ALAS2: variants seen among roughly 807,000 people sequenced by gnomAD.
ALAS2 encodes 5'-aminolevulinate synthase 2.
Under a neutral mutation model 33.7 loss-of-function variants are expected in ALAS2, and 3 were observed. The ratio of observed to expected loss-of-function variants is 0.09; its 90% CI spans 0.04 to 0.23. The LOEUF (loss-of-function observed/expected upper bound fraction) is 0.23. ALAS2 is among the 10% of genes least tolerant of loss of function. ALAS2 has a pLI of 1.00. For synonymous variants in ALAS2, 191 were observed against 177.3 expected (o/e 1.08, Z -0.61); for missense variants, 304 against 475.1 (o/e 0.64, Z 3.35).
chrX:55,020,333 G>A lies in ALAS2; in HGVS notation c.810C>T (p.Ala270=), dbSNP rs772567693. Residue 270 remains alanine (A), a synonymous_variant, in exon 6 of 11, where the codon GCC becomes GCT. Coordinates refer to ENST00000650242, the MANE Select transcript of ALAS2 (RefSeq NM_000032.5). ...VANDSTLFTL[A]KILPGCEIYS... is the part of the protein sequence containing the mutation. ...CCTCAGGCTTACCTGGCAGGATCTT[G>A]GCCAAGGTGAAGAGAGTAGAGTCAT... 1.1e-5 allele frequency: 13 copies of A among 1,207,383 alleles called. No homozygotes were observed. The highest frequency in any genetic ancestry group is 1.1e-4 in the African/African-American group (6 of 57,023).
chrX:55,024,440 T>C (rs1160548647), intron 3 of ALAS2, among the ~76,000 whole-genome samples: 1 of 111,878 alleles, frequency 8.9e-6, no homozygotes, highest in African/African-American at 3.3e-5. Context: ...CCTGTTGGGA[T>C]CAGTTTAGCC....
At chrX:55,028,125 A>T (rs769983881) in intron 1 of ALAS2, among the ~76,000 whole-genome samples, 1 of 111,232 alleles carries the variant, frequency 9.0e-6, no homozygotes, top group East Asian at 2.8e-4. Context: ...CCTACCTCAT[A>T]TCTGGAGATA....
chrX:55,027,829 T>A, intron 1 of ALAS2: 1 of 1,203,205 alleles, frequency 8.3e-7, no homozygotes, highest in Non-Finnish European at 1.1e-6. Context: ...GCAGCCTGGG[T>A]TGGTATGTGG....
At chrX:55,017,796 C>T in intron 6 of ALAS2, 131 bp from the exon 7 acceptor site, 1 of 706,108 alleles carries the variant, frequency 1.4e-6, no homozygotes, top group South Asian at 2.4e-5. Context: ...TCTTCCTTCT[C>T]TGGGAACTTT....
At chrX:55,017,030 G>A (rs769904915) in intron 7 of ALAS2, among the ~76,000 whole-genome samples, 1 of 111,614 alleles carries the variant, frequency 9.0e-6, no homozygotes, top group South Asian at 3.8e-4. Flanking sequence ...CCAAACACTG[G>A]GATTATTGAT....
At chrX:55,027,610 A>G in intron 1 of ALAS2, 1 of 574,633 alleles carries the variant, frequency 1.7e-6, no homozygotes, top group Non-Finnish European at 3.0e-6. Context: ...GACACTGTGA[A>G]GAAAGTTACT....
chrX:55,016,025 A>ATGTGTG (rs1935699501), intron 7 of ALAS2, among the ~76,000 whole-genome samples: 1 of 67,237 alleles, frequency 1.5e-5, no homozygotes, highest in East Asian at 5.1e-4. Context: ...GTGTGTGCGC[A>ATGTGTG]TGTGTGTGTG....
intron 8 of ALAS2, 150 bp downstream of exon 8, chrX:55,015,428 G>T: frequency 1.6e-6 from 1 of 628,169 alleles, no homozygotes; most frequent in Non-Finnish European, 2.5e-6. Flanking sequence ...AGTGGGATGC[G>T]AGTGGAGAGA....
Position 55,023,817 on chromosome X carries a change from G to A in ALAS2, c.355C>T (p.Pro119Ser). 8.3e-7 allele frequency: 1 copy of A among 1,211,174 alleles called. No individual in the cohort carries two copies. Residue 119 changes from proline (P) to serine (S), a missense_variant, in exon 4 of 11, where the codon CCC becomes TCC. Transcript: ENST00000650242. ...CCAGAGATCTGCTCCTGCTCCTGGG[G>A]ACCGGAAAATGGCTTCCTTAGGCTG... is the stretch of plus-strand genomic sequence containing the variant. ...SVSLRKPFSG[P>S]QEQEQISGKV...
intron 3 of ALAS2, 135 bp downstream of exon 3, chrX:55,024,583 G>T: frequency 1.1e-6 from 1 of 873,349 alleles, no homozygotes; most frequent in Non-Finnish European, 1.7e-6. Flanking sequence ...GCCTACCATG[G>T]CTCCCCTGGA....
At chrX:55,011,546 G>A (rs773769718) in intron 10 of ALAS2, among the ~76,000 whole-genome samples, 33 of 111,650 alleles carry the variant, frequency 3.0e-4, no homozygotes, top group Non-Finnish European at 6.0e-4. Context: ...CAAGAGAGAA[G>A]CAGAGAAATT....
rs773875622 is a variant in ALAS2 at position 55,020,315 on chromosome X, C to T, written c.823+5G>A. 75 of 1,205,962 alleles carry T rather than the reference C, an allele frequency of 6.2e-5. No individual in the cohort carries two copies. The East Asian group carries it at 2.1e-3, about 33-fold the overall frequency. On this transcript the variant is annotated splice_donor_5th_base_variant and intron_variant, in intron 6 of 10. Coordinates refer to ENST00000650242, the MANE Select transcript of ALAS2 (RefSeq NM_000032.5). ...CCCTGAACAAAGCTCAGGCCTCAGGCTTACCTGGCAGGATCTTGGCCAAGG... is the reference window on the plus strand; with the variant it reads ...CCCTGAACAAAGCTCAGGCCTCAGGTTTACCTGGCAGGATCTTGGCCAAGG...
At chrX:55,015,538 C>G (rs1935683934) in intron 8 of ALAS2, 40 bp downstream of exon 8, 1 of 1,203,879 alleles carries the variant, frequency 8.3e-7, no homozygotes, top group African/African-American at 1.7e-5. Flanking sequence ...AGGGCCTCCT[C>G]TCTGGAGGGT....
chrX:55,011,258 T>C, intron 10 of ALAS2, among the ~76,000 whole-genome samples: 1 of 112,207 alleles, frequency 8.9e-6, no homozygotes, highest in African/African-American at 3.2e-5. Flanking sequence ...ACCTCCAATC[T>C]CTATATTTGT....
intron 5 of ALAS2, 83 bp from the exon 6 acceptor site, chrX:55,020,587 T>C (rs1025869247): frequency 6.5e-6 from 6 of 921,066 alleles, no homozygotes; most frequent in African/African-American, 2.0e-5. Context: ...TCTTCCTTGA[T>C]GGGAGTCAAT....
rs369089714 is a variant in ALAS2, at chrX:55,023,875, G to A, written c.305-8C>T. The A allele has an allele frequency of 2.0e-5, 23 of 1,178,427 alleles. No homozygotes were observed. The highest frequency in any genetic ancestry group is 2.3e-4 in the Middle Eastern group (1 of 4,303). On this transcript the variant is annotated splice_region_variant and splice_polypyrimidine_tract_variant and intron_variant, in intron 3 of 10. Coordinates refer to ENST00000650242, the MANE Select transcript of ALAS2 (RefSeq NM_000032.5). ...CCAGGGAGCTAGGCAGATCTGAGAC[G>A]GAATGTGAGATTCATTGGCCGTGAA...
chrX:55,014,158 G>A (rs1935658155), intron 9 of ALAS2, among the ~76,000 whole-genome samples: 1 of 111,921 alleles, frequency 8.9e-6, no homozygotes, highest in Admixed American at 9.4e-5. Flanking sequence ...TGTTATTTAA[G>A]AAAGAAGTAG....
At chrX:55,025,568 G>A (rs1027101675) in intron 2 of ALAS2, among the ~76,000 whole-genome samples, 1 of 110,997 alleles carries the variant, frequency 9.0e-6, no homozygotes, top group African/African-American at 3.3e-5. Flanking sequence ...TCCTGACCTC[G>A]TGATCCACTC....
intron 1 of ALAS2, among the ~76,000 whole-genome samples, chrX:55,028,296 C>A (rs768140623): frequency 9.0e-6 from 1 of 111,135 alleles, no homozygotes; most frequent in Non-Finnish European, 1.9e-5. Context: ...CCTGGAATCA[C>A]GTCTGAGCAT....
Sources: allele counts gnomAD v4.1 joint callset (sites outside exome capture counted in the v4.1 genomes callset), GRCh38; gene constraint gnomAD v4.1.1; transcripts MANE v1.5; gene names NCBI Gene and HGNC (gene_info 2026-07-23, HGNC 2026-07-21).